WWOX: variants seen among roughly 807,000 people sequenced by gnomAD.
WWOX encodes the protein WW domain containing oxidoreductase, also known as WW domain-containing oxidoreductase.
A neutral mutation model predicts 46.2 loss-of-function variants in WWOX; 69 were observed. That is an observed-to-expected ratio of 1.49 (90% confidence interval 1.23 to 1.82). WWOX has a LOEUF of 1.82. WWOX is among the 40% of genes most tolerant of loss of function. The probability of loss-of-function intolerance (pLI) is 0.00; values close to 1 mark genes in which losing one functional copy is unlikely to be tolerated. For synonymous variants in WWOX, 359 were observed against 202.6 expected, an observed-to-expected ratio of 1.77 and a Z score of -6.56; for missense variants, 919 against 542.6, an observed-to-expected ratio of 1.69 and a Z score of -6.89.
chr16:78,713,565 T>G (rs1329991277), intron 8 of WWOX, among the ~76,000 whole-genome samples: 2 of 152,172 alleles, frequency 1.3e-5, no homozygotes, highest in South Asian at 2.1e-4. Context: ...TAATTCAGTT[T>G]AATTTGGGTC....
chr16:78,866,216 C>T (rs544432992), intron 8 of WWOX, among the ~76,000 whole-genome samples: 1 of 152,168 alleles, frequency 6.6e-6, no homozygotes, highest in East Asian at 1.9e-4. Flanking sequence ...TGCCAGTCTC[C>T]ATAGCAGTGA....
chr16:78,626,916 C>G (rs998424530), intron 8 of WWOX, among the ~76,000 whole-genome samples: 3 of 152,092 alleles, frequency 2.0e-5, no homozygotes, highest in African/African-American at 7.2e-5. Context: ...ACAATTTGGT[C>G]TTCAAAAGTT....
intron 8 of WWOX, among the ~76,000 whole-genome samples, chr16:78,910,263 T>G (rs1567642442): frequency 6.7e-6 from 1 of 150,356 alleles, no homozygotes; most frequent in South Asian, 2.1e-4. Context: ...ATTCCCTGCT[T>G]TCTCCTGACA....
intron 8 of WWOX, among the ~76,000 whole-genome samples, chr16:78,944,291 G>A (rs1399873792): frequency 1.3e-5 from 2 of 151,994 alleles, no homozygotes; most frequent in Non-Finnish European, 2.9e-5. Flanking sequence ...ACATCTTTCA[G>A]CCTCTACCAC....
At chr16:78,324,622 C>T (rs943116301) in intron 5 of WWOX, among the ~76,000 whole-genome samples, 10 of 152,150 alleles carry the variant, frequency 6.6e-5, no homozygotes, top group African/African-American at 1.9e-4. Context: ...TGGACAAAGT[C>T]CTGAGGCATT....
At chr16:79,125,488 G>A (rs1290258525) in intron 8 of WWOX, among the ~76,000 whole-genome samples, 2 of 152,150 alleles carry the variant, frequency 1.3e-5, no homozygotes, top group Non-Finnish European at 2.9e-5. Flanking sequence ...GCATTTTTAT[G>A]GGATCCAGTA....
intron 7 of WWOX, among the ~76,000 whole-genome samples, chr16:78,429,527 G>A (rs79793785): frequency 6.6e-6 from 1 of 152,022 alleles, no homozygotes; most frequent in Non-Finnish European, 1.5e-5. Flanking sequence ...TCTGGAAGCA[G>A]TTGACAAAAG....
In WWOX at chr16:79,129,968, C is replaced by T. The variant is rs932373455; in HGVS notation, c.1057-81640C>T. On this transcript the variant is annotated intron_variant, in intron 8 of 8. Transcript: ENST00000566780. ...ACTTTGCCACTTTAAGTCTCCGTTT[C>T]CTCATCTGTAAAATAGAGGTAATAA... is the stretch of plus-strand genomic sequence containing the variant. Among the ~76,000 whole-genome samples, 6 of 152,298 alleles carry T rather than the reference C, an allele frequency of 3.9e-5. No individual in the cohort carries two copies. The East Asian group carries it at 5.8e-4, about 15-fold the overall frequency.
intron 8 of WWOX, among the ~76,000 whole-genome samples, chr16:79,075,742 G>A (rs1054367531): frequency 6.6e-6 from 1 of 151,912 alleles, no homozygotes; most frequent in African/African-American, 2.4e-5. Context: ...TAGTAGAGAT[G>A]GGGTCTCATC....
At chr16:78,589,301 C>G (rs2045296577) in intron 8 of WWOX, among the ~76,000 whole-genome samples, 1 of 152,124 alleles carries the variant, frequency 6.6e-6, no homozygotes, top group Admixed American at 6.5e-5. Context: ...AATATTTAGT[C>G]CATTCTGTAT....
chr16:78,583,126 C>A (rs541785260), intron 8 of WWOX, among the ~76,000 whole-genome samples: 1 of 152,136 alleles, frequency 6.6e-6, no homozygotes, highest in Admixed American at 6.5e-5. Flanking sequence ...GTTTTCGAAG[C>A]CTTTGTCCTT....
At chr16:78,352,084 A>C (rs145951264) in intron 5 of WWOX, among the ~76,000 whole-genome samples, 61 of 152,310 alleles carry the variant, frequency 4.0e-4, no homozygotes, top group Admixed American at 3.0e-3. Flanking sequence ...GGCGCACAAG[A>C]GGGTCAGTGC....
chr16:78,153,875 C>G (rs775264992), intron 4 of WWOX, among the ~76,000 whole-genome samples: 1 of 152,274 alleles, frequency 6.6e-6, no homozygotes, highest in Non-Finnish European at 1.5e-5. Context: ...TTCCTGGCAT[C>G]GGGGAAAGAA....
chr16:78,109,536 C>T (rs1446677555), intron 2 of WWOX, among the ~76,000 whole-genome samples: 1 of 152,072 alleles, frequency 6.6e-6, no homozygotes, highest in Non-Finnish European at 1.5e-5. Context: ...GTTTATAGAG[C>T]GATCAGGAAT....
intron 8 of WWOX, among the ~76,000 whole-genome samples, chr16:79,144,169 A>T (rs1306725629): frequency 2.6e-5 from 4 of 152,276 alleles, no homozygotes; most frequent in East Asian, 3.9e-4. Flanking sequence ...CAAAGTGTGG[A>T]GATTACAGGC....
chr16:78,241,162 A>G (rs1211218737), intron 5 of WWOX: 1 of 152,254 alleles, frequency 6.6e-6, no homozygotes, highest in African/African-American at 2.4e-5. Context: ...GTCAACATTA[A>G]AATGAGAATG....
intron 3 of WWOX, among the ~76,000 whole-genome samples, chr16:78,110,651 A>C (rs1336511078): frequency 6.6e-6 from 1 of 152,160 alleles, no homozygotes; most frequent in African/African-American, 2.4e-5. Context: ...TCACGCAGCA[A>C]TAGTAACCAC....
In WWOX at chr16:79,063,571, C is replaced by A. The variant is rs774391608; in HGVS notation, c.1057-148037C>A. On this transcript the variant is annotated intron_variant, in intron 8 of 8. Coordinates refer to ENST00000566780, the MANE Select transcript of WWOX (RefSeq NM_016373.4). The stretch of plus-strand genomic sequence containing the variant: ...TATCTGGAAAACCAAATGGAGAATT[C>A]CAGGAGCGGATTTGGAAACAAGGTT... Among the ~76,000 whole-genome samples the A allele has an allele frequency of 2.1e-4, 32 of 152,270 alleles. No homozygotes were observed. The Middle Eastern group carries it at 0.01, about 49-fold the overall frequency.
At chr16:79,036,313 G>GA (rs1224173131) in intron 8 of WWOX, among the ~76,000 whole-genome samples, 1 of 152,180 alleles carries the variant, frequency 6.6e-6, no homozygotes, top group Non-Finnish European at 1.5e-5. Flanking sequence ...TCTTTTGGCT[G>GA]AAAAATCGAA....
Sources: allele counts gnomAD v4.1 joint callset (sites outside exome capture counted in the v4.1 genomes callset), GRCh38; gene constraint gnomAD v4.1.1; transcripts MANE v1.5; gene names NCBI Gene and HGNC (gene_info 2026-07-23, HGNC 2026-07-21).